CAMTA1: variants seen among roughly 807,000 people sequenced by gnomAD.
CAMTA1 encodes the protein calmodulin-binding transcription activator 1.
A neutral mutation model predicts 170.9 loss-of-function variants in CAMTA1; 27 were observed. The observed-to-expected ratio is 0.16, with a 90% CI of 0.12 to 0.22. CAMTA1 has a LOEUF of 0.22. CAMTA1 is among the 10% of genes least tolerant of loss of function. The pLI, the probability that CAMTA1 is intolerant of heterozygous loss-of-function variation, is 1.00. For synonymous variants in CAMTA1, 833 were observed against 891.5 expected, an observed-to-expected ratio of 0.93 and a Z score of 1.17; for missense variants, 1,619 against 2,217.2, an observed-to-expected ratio of 0.73 and a Z score of 5.42.
At chr1:6,798,758 G>A (rs1557570733) in intron 1 of CAMTA1, among the ~76,000 whole-genome samples, 1 of 139,258 alleles carries the variant, frequency 7.2e-6, no homozygotes, top group Non-Finnish European at 1.6e-5. Flanking sequence ...CACCGCGCCC[G>A]GCTAATTTTT....
chr1:7,008,544 C>T (rs1377306543), intron 3 of CAMTA1: 1 of 152,154 alleles, frequency 6.6e-6, no homozygotes, highest in Non-Finnish European at 1.5e-5. Flanking sequence ...GTGGCTGAGC[C>T]TCGAGCACCC....
At chr1:7,308,525 C>A (rs1675949311) in intron 5 of CAMTA1, among the ~76,000 whole-genome samples, 4 of 151,996 alleles carry the variant, frequency 2.6e-5, no homozygotes, top group African/African-American at 9.7e-5. Context: ...GGCTGTATCC[C>A]ACAGATTTTG....
intron 1 of CAMTA1, among the ~76,000 whole-genome samples, chr1:6,810,071 C>T (rs767332570): frequency 3.3e-5 from 5 of 152,258 alleles, no homozygotes; most frequent in Non-Finnish European, 7.4e-5. Context: ...CTGCTGTAAC[C>T]AATCATCACA....
At chr1:7,221,292 T>G (rs1660718775) in intron 4 of CAMTA1, among the ~76,000 whole-genome samples, 1 of 152,012 alleles carries the variant, frequency 6.6e-6, no homozygotes, top group African/African-American at 2.4e-5. Flanking sequence ...CATTCATTCA[T>G]CATTCATTCA....
intron 5 of CAMTA1, among the ~76,000 whole-genome samples, chr1:7,375,727 C>T (rs1484176252): frequency 6.6e-6 from 1 of 152,220 alleles, no homozygotes; most frequent in Non-Finnish European, 1.5e-5. Flanking sequence ...GCCTCGATTC[C>T]AGGCAAGAGA....
chr1:7,040,186 AT>A (rs377663733), intron 3 of CAMTA1, among the ~76,000 whole-genome samples: 39 of 147,502 alleles, frequency 2.6e-4, no homozygotes, highest in African/African-American at 9.0e-4. Flanking sequence ...GGCTTTTAGC[AT>A]TTTGGAATAA....
intron 5 of CAMTA1, among the ~76,000 whole-genome samples, chr1:7,464,601 G>A (rs2093167556): frequency 6.6e-6 from 1 of 152,124 alleles, no homozygotes; most frequent in African/African-American, 2.4e-5. Context: ...AGGGGTGAAT[G>A]GAAGGGGAGA....
chr1:6,957,912 G>A (rs577781937), intron 3 of CAMTA1, among the ~76,000 whole-genome samples: 2 of 152,340 alleles, frequency 1.3e-5, no homozygotes, highest in African/African-American at 2.4e-5. Context: ...TCAGACGTGA[G>A]GAAGCAAAGC....
rs1436452539 is a variant in CAMTA1, at chr1:7,565,843, ATGCTAGCGTGG to A, written c.511-74555_511-74545del. Among the ~76,000 whole-genome samples the A allele has an allele frequency of 6.6e-6, 1 of 152,010 alleles. No homozygotes were observed. The highest frequency in any genetic ancestry group is 1.5e-5 in the Non-Finnish European group (1 of 67,996). ...TGGAAGCTGGAGGGCCAAGATCAGGATGCTAGCGTGGTTGGGGGCTGGTGAGGACTCCCTTC... is the reference window on the plus strand; with the variant it reads ...TGGAAGCTGGAGGGCCAAGATCAGGATTGGGGGCTGGTGAGGACTCCCTTC... On this transcript the variant is annotated intron_variant, in intron 6 of 22. Transcript: ENST00000303635. The surrounding 1 kb of genome is among the most constrained non-coding windows in gnomAD (Gnocchi z 4.5).
intron 5 of CAMTA1, among the ~76,000 whole-genome samples, chr1:7,413,552 C>G (rs2090949663): frequency 6.6e-6 from 1 of 152,112 alleles, no homozygotes; most frequent in Non-Finnish European, 1.5e-5. Flanking sequence ...ATTTGGCTCT[C>G]TGTTTGTCTG....
rs765139922 is a variant in CAMTA1, at chr1:6,995,295, CTTTTTTTTTTTTT to C, written c.235-95997_235-95985del. Among the ~76,000 whole-genome samples, 6 of 60,624 alleles carry C rather than the reference CTTTTTTTTTTTTT, an allele frequency of 9.9e-5. No individual in the cohort carries two copies. The Admixed American group carries it at 1.0e-3, about 10-fold the overall frequency. The allele number at this position is 60,624 out of a possible 152,430, so 39.8% of individuals were successfully genotyped here. On this transcript the variant is annotated intron_variant, in intron 3 of 22. Transcript: ENST00000303635. ...TCCTTTAAAATCTTTTTTTTCTTTT[CTTTTTTTTTTTTT>C]TTTTTTTTTTTGAGATGGAGTCTCA...
At chr1:7,115,981 C>A (rs938079428) in intron 4 of CAMTA1, among the ~76,000 whole-genome samples, 1 of 152,190 alleles carries the variant, frequency 6.6e-6, no homozygotes, top group African/African-American at 2.4e-5. Flanking sequence ...ATCCACACAT[C>A]CAGAATCATG....
chr1:6,820,099 C>T (rs1211332202), intron 1 of CAMTA1, 82 bp from the exon 2 acceptor site: 7 of 833,226 alleles, frequency 8.4e-6, no homozygotes, highest in African/African-American at 3.4e-5. Context: ...TCAGGTTTTG[C>T]ATCTTGGCAG....
intron 5 of CAMTA1, among the ~76,000 whole-genome samples, chr1:7,344,398 C>A (rs2149833178): frequency 6.6e-6 from 1 of 152,328 alleles, no homozygotes; most frequent in South Asian, 2.1e-4. Flanking sequence ...GTGACCAAGG[C>A]TGGCTGGATT....
chr1:7,223,915 A>G (rs1661245334), intron 4 of CAMTA1, among the ~76,000 whole-genome samples: 2 of 152,296 alleles, frequency 1.3e-5, no homozygotes, highest in Admixed American at 1.3e-4. Context: ...CTTGGGGCCT[A>G]TGGGATATTT....
At chr1:7,705,868 G>A (rs955320723) in intron 11 of CAMTA1, among the ~76,000 whole-genome samples, 2 of 152,200 alleles carry the variant, frequency 1.3e-5, no homozygotes, top group African/African-American at 4.8e-5. Context: ...CCTGCAGACT[G>A]GCGACCAGAG....
intron 3 of CAMTA1, among the ~76,000 whole-genome samples, chr1:6,972,092 C>T (rs1230963892): frequency 6.6e-6 from 1 of 152,126 alleles, no homozygotes; most frequent in Non-Finnish European, 1.5e-5. Context: ...CAGAAGTGTC[C>T]TTTGCTTCTC....
chr1:7,625,393 G>A (rs2095626665), intron 6 of CAMTA1, among the ~76,000 whole-genome samples: 1 of 152,256 alleles, frequency 6.6e-6, no homozygotes. Flanking sequence ...TGGCAGGACT[G>A]CTCTGTGGCC....
chr1:7,251,562 C>T lies in CAMTA1; in HGVS notation c.438+1936C>T, dbSNP rs187177509. ...ATTATGTGGTGGCCTTGCCCGTGAG[C>T]TCAGCGAGTTGTCCCACTGAGCCAC... On this transcript the variant is annotated intron_variant, in intron 5 of 22. Transcript: ENST00000303635. This position sits in a 1 kb window ranked among gnomAD's most constrained non-coding sequence, Gnocchi z 5.1. Among the ~76,000 whole-genome samples the T allele has an allele frequency of 4.6e-5, 7 of 152,302 alleles. No homozygotes were observed. The highest frequency in any genetic ancestry group is 3.4e-3 in the Middle Eastern group (1 of 294).
Sources: gnomAD v4.1 joint callset for allele counts (sites outside exome capture counted in the v4.1 genomes callset) on GRCh38, gnomAD v4.1.1 for gene constraint, Gnocchi (gnomAD v3.1) non-coding constraint, MANE v1.5 for transcripts, NCBI Gene and HGNC (gene_info 2026-07-23, HGNC 2026-07-21) for gene names.